SYT2: variants seen among roughly 807,000 people sequenced by gnomAD.
SYT2 encodes the protein synaptotagmin-2.
Under a neutral mutation model 39.9 loss-of-function variants are expected in SYT2, and 15 were observed. The ratio of observed to expected loss-of-function variants is 0.38; its 90% CI spans 0.25 to 0.58. The LOEUF is 0.58. Among genes scored for constraint, SYT2 ranks in the 20% least tolerant of loss-of-function variants. The pLI is 0.70. For missense variants in SYT2, 389 were observed against 530.3 expected (o/e 0.73, Z 2.62); for synonymous variants, 181 against 204.5 (o/e 0.89, Z 0.98).
intron 1 of SYT2, among the ~76,000 whole-genome samples, chr1:202,692,294 C>T (rs1023164556): frequency 2.5e-4 from 38 of 152,282 alleles, no homozygotes; most frequent in Non-Finnish European, 4.6e-4. Context: ...GCTAAGCTCA[C>T]ATGCCCACTA....
intron 1 of SYT2, among the ~76,000 whole-genome samples, chr1:202,667,642 G>C (rs760698250): frequency 2.0e-5 from 3 of 152,104 alleles, no homozygotes; most frequent in Non-Finnish European, 4.4e-5. Flanking sequence ...CAATACAAAA[G>C]TCCCATGAGA....
intron 1 of SYT2, among the ~76,000 whole-genome samples, chr1:202,638,655 C>A (rs544645033): frequency 6.6e-6 from 1 of 152,202 alleles, no homozygotes; most frequent in East Asian, 1.9e-4. Context: ...TTATTTAATG[C>A]GGAAAATCCA....
chr1:202,686,662 C>A (rs1432445903), intron 1 of SYT2, among the ~76,000 whole-genome samples: 2 of 152,172 alleles, frequency 1.3e-5, no homozygotes, highest in Admixed American at 6.5e-5. Flanking sequence ...ACAGCTACTG[C>A]TCTGACCAGT....
chr1:202,639,418 C>T, intron 1 of SYT2: 1 of 815,054 alleles, frequency 1.2e-6, no homozygotes, highest in African/African-American at 1.9e-5. Flanking sequence ...CAAGCTCCGT[C>T]GCTGGGCTTG....
rs1197339103 is a variant in SYT2 at position 202,623,931 on chromosome 1, G to A, written c.-17-18142C>T. Among the ~76,000 whole-genome samples, 2 of 152,214 alleles carry A rather than the reference G, an allele frequency of 1.3e-5. No homozygotes were observed. Among genetic ancestry groups the A allele is most frequent in the Non-Finnish European group, 2.9e-5 (2 of 68,038 alleles). On this transcript the variant is annotated intron_variant, in intron 1 of 8. Transcript: ENST00000367268. This position sits in a 1 kb window ranked among gnomAD's most constrained non-coding sequence, Gnocchi z 4.2. ...CATGTGAGGCACACAGCACCTTCCA[G>A]CACAGTCCCGATATCTTTCATGCCA...
At chr1:202,642,053 T>C (rs1691930295) in intron 1 of SYT2, among the ~76,000 whole-genome samples, 1 of 151,998 alleles carries the variant, frequency 6.6e-6, no homozygotes, top group Non-Finnish European at 1.5e-5. Flanking sequence ...CCCCCATCCT[T>C]TCAGTGGGCA....
At chr1:202,655,165 G>A (rs1692258270) in intron 1 of SYT2, among the ~76,000 whole-genome samples, 1 of 152,252 alleles carries the variant, frequency 6.6e-6, no homozygotes, top group Middle Eastern at 3.4e-3. Context: ...GTGAGCAAGT[G>A]GGCTTAGAGG....
At chr1:202,606,621 A>G (rs1369962839) in intron 1 of SYT2, among the ~76,000 whole-genome samples, 1 of 151,942 alleles carries the variant, frequency 6.6e-6, no homozygotes, top group Admixed American at 6.6e-5. Context: ...CCACATCTCC[A>G]TCTCTAGCCC....
chr1:202,592,742 T>C lies in SYT2; in HGVS notation c.*4015A>G, dbSNP rs1459233119. On this transcript the variant is annotated 3_prime_UTR_variant, in exon 9 of 9. Coordinates refer to ENST00000367268, the MANE Select transcript of SYT2 (RefSeq NM_177402.5). ...TTCTCAATATTGCAGTTCAAAAAAC[T>C]GGTTAAGTCAAATCCTTGGGGTTCC... 6.6e-6 allele frequency: 1 copy of C among 152,166 alleles called. No individual in the cohort carries two copies. Among genetic ancestry groups the C allele is most frequent in the East Asian group, 1.9e-4 (1 of 5,196 alleles). 9.4% of individuals were successfully genotyped at this position (152,166 alleles called of 1,614,324 possible). A position where few individuals can be genotyped will look rare whatever the true frequency, so the allele number is the denominator to read the frequency against.
intron 1 of SYT2, among the ~76,000 whole-genome samples, chr1:202,647,616 A>G (rs1692114024): frequency 6.6e-6 from 1 of 152,186 alleles, no homozygotes; most frequent in Non-Finnish European, 1.5e-5. Context: ...AGGGGAAGGG[A>G]GAGAAGAGGA....
chr1:202,697,657 T>A (rs1654007964), intron 1 of SYT2, among the ~76,000 whole-genome samples: 1 of 152,230 alleles, frequency 6.6e-6, no homozygotes, highest in African/African-American at 2.4e-5. Flanking sequence ...GGGGTCTCGA[T>A]CTGCTTTAGG....
intron 1 of SYT2, among the ~76,000 whole-genome samples, chr1:202,618,642 G>A (rs1038853701): frequency 3.3e-5 from 5 of 152,068 alleles, no homozygotes; most frequent in Admixed American, 6.5e-5. Context: ...CTAAACCCTC[G>A]AGTTGAGGCT....
chr1:202,693,248 G>A (rs951250221), intron 1 of SYT2, among the ~76,000 whole-genome samples: 1 of 152,186 alleles, frequency 6.6e-6, no homozygotes, highest in Non-Finnish European at 1.5e-5. Context: ...GGAGGATTCA[G>A]GGGCAAATTG....
intron 1 of SYT2, among the ~76,000 whole-genome samples, chr1:202,621,760 CTTCTT>C (rs1160121345): frequency 6.6e-6 from 1 of 152,226 alleles, no homozygotes; most frequent in African/African-American, 2.4e-5. Flanking sequence ...CCTTGCCTCT[CTTCTT>C]CCCTACAAAA....
chr1:202,604,458 AC>A lies in SYT2; in HGVS notation c.341del (p.Gly114ValfsTer11). 1 of 1,613,620 alleles carries A rather than the reference AC, an allele frequency of 6.2e-7. No homozygotes were observed. The highest frequency in any genetic ancestry group is 8.5e-7 in the Non-Finnish European group (1 of 1,179,804). ...CCTCACAACCAATGTGCCCTACCTGACCCCCTTTCATGTCCTTCATGTTCAT... is the reference window on the plus strand; with the variant it reads ...CCTCACAACCAATGTGCCCTACCTGACCCCTTTCATGTCCTTCATGTTCAT... ...NAMNMKDMKG[G>X]QDDDDAETGL... On this transcript the variant is annotated frameshift_variant, in exon 3 of 9. Coordinates refer to ENST00000367268, the MANE Select transcript of SYT2 (RefSeq NM_177402.5). LOFTEE classifies it high-confidence loss of function.
At chr1:202,631,144 C>T (rs1691577673) in intron 1 of SYT2, among the ~76,000 whole-genome samples, 1 of 152,336 alleles carries the variant, frequency 6.6e-6, no homozygotes, top group South Asian at 2.1e-4. Flanking sequence ...CAGTGCTCTT[C>T]CAAGCTGGCA....
In SYT2 at chr1:202,653,942, C is replaced by T. The variant is rs1451352211; in HGVS notation, c.-17-48153G>A. On this transcript the variant is annotated intron_variant, in intron 1 of 8. Transcript: ENST00000367268. ...AGTGACATCCCTGGGGCCTGGAAAA[C>T]TTATGTCTTGATCAGAAGGGTCAAT... 2.1e-4 allele frequency among the ~76,000 whole-genome samples: 32 copies of T among 152,180 alleles called. 1 individual carries two copies. Among genetic ancestry groups the T allele is most frequent in the Admixed American group, 2.1e-3 (32 of 15,280 alleles).
chr1:202,641,644 T>G (rs1465073483), intron 1 of SYT2, among the ~76,000 whole-genome samples: 1 of 152,242 alleles, frequency 6.6e-6, no homozygotes, highest in East Asian at 1.9e-4. Flanking sequence ...ACTGTCACAT[T>G]GCACAGTGGG....
At chr1:202,680,055 C>T (rs1028316451) in intron 1 of SYT2, among the ~76,000 whole-genome samples, 2 of 152,232 alleles carry the variant, frequency 1.3e-5, no homozygotes, top group Non-Finnish European at 2.9e-5. Flanking sequence ...TATCGCTGTA[C>T]TGAACTAATA....
Sources: gnomAD v4.1 joint callset for allele counts (sites outside exome capture counted in the v4.1 genomes callset) on GRCh38, gnomAD v4.1.1 for gene constraint, Gnocchi (gnomAD v3.1) non-coding constraint, MANE v1.5 for transcripts, NCBI Gene and HGNC (gene_info 2026-07-23, HGNC 2026-07-21) for gene names.